The following PLCB1 variants were observed in gnomAD, a reference collection of about 807,000 sequenced individuals.
PLCB1 encodes 1-phosphatidylinositol 4,5-bisphosphate phosphodiesterase beta-1.
PLCB1 carries 46 observed loss-of-function variants against 161.8 expected under a neutral mutation model. That is an observed-to-expected ratio of 0.28 (90% confidence interval 0.22 to 0.36). PLCB1 has a LOEUF of 0.36. PLCB1 is among the 10% of genes least tolerant of loss of function. PLCB1 has a pLI of 1.00. For synonymous variants in PLCB1, 517 were observed against 503.7 expected (o/e 1.03, Z -0.35); for missense variants, 1,016 against 1,472.5 (o/e 0.69, Z 5.07).
intron 3 of PLCB1, among the ~76,000 whole-genome samples, chr20:8,425,392 T>G (rs1979716589): frequency 6.6e-6 from 1 of 152,140 alleles, no homozygotes; most frequent in African/African-American, 2.4e-5. Flanking sequence ...GTTCCCTGCC[T>G]CCAGGCCCTA....
intron 8 of PLCB1, among the ~76,000 whole-genome samples, chr20:8,657,506 T>G (rs796898377): frequency 1.8e-4 from 28 of 152,066 alleles, no homozygotes; most frequent in African/African-American, 6.5e-4. Context: ...TTGCTGGAGG[T>G]AGTTGTTTTT....
At chr20:8,155,947 C>A (rs76840544) in intron 2 of PLCB1, among the ~76,000 whole-genome samples, 1 of 152,094 alleles carries the variant, frequency 6.6e-6, no homozygotes. Flanking sequence ...GTGTGTCAGT[C>A]ATTGTTGACT....
At chr20:8,574,380 C>G (rs1160395546) in intron 3 of PLCB1, among the ~76,000 whole-genome samples, 1 of 152,148 alleles carries the variant, frequency 6.6e-6, no homozygotes, top group Non-Finnish European at 1.5e-5. Flanking sequence ...GCCTGGGTGA[C>G]AGAGCGAGAC....
intron 27 of PLCB1, among the ~76,000 whole-genome samples, chr20:8,785,339 TACATTTC>T (rs1983432319): frequency 6.6e-6 from 1 of 152,170 alleles, no homozygotes; most frequent in Non-Finnish European, 1.5e-5. Flanking sequence ...CCCGAGAACT[TACATTTC>T]TAATGTGCTC....
intron 2 of PLCB1, among the ~76,000 whole-genome samples, chr20:8,347,701 T>A (rs1275694402): frequency 6.6e-6 from 1 of 152,244 alleles, no homozygotes; most frequent in Non-Finnish European, 1.5e-5. Flanking sequence ...CTTTTAGGGC[T>A]ACTTATAATG....
chr20:8,783,392 T>C (rs1983332410), intron 27 of PLCB1, among the ~76,000 whole-genome samples: 1 of 152,200 alleles, frequency 6.6e-6, no homozygotes, highest in Non-Finnish European at 1.5e-5. Flanking sequence ...TTAGTATACC[T>C]TGCCTTTATG....
At chr20:8,815,714 G>T (rs1238789988) in intron 31 of PLCB1, among the ~76,000 whole-genome samples, 1 of 152,146 alleles carries the variant, frequency 6.6e-6, no homozygotes, top group African/African-American at 2.4e-5. Flanking sequence ...GTGAGTTACA[G>T]TACAACAAAA....
chr20:8,799,506 A>G (rs1042693987), intron 31 of PLCB1, among the ~76,000 whole-genome samples: 5 of 152,088 alleles, frequency 3.3e-5, no homozygotes, highest in East Asian at 1.9e-4. Context: ...TTAATCCTCA[A>G]TGTATCTCTG....
chr20:8,258,862 G>A (rs116441908), intron 2 of PLCB1, among the ~76,000 whole-genome samples: 2 of 152,054 alleles, frequency 1.3e-5, no homozygotes, highest in African/African-American at 2.4e-5. Context: ...ACAGTTGTGC[G>A]AGTCTTAACA....
chr20:8,308,420 C>T (rs1984233172), intron 2 of PLCB1, among the ~76,000 whole-genome samples: 1 of 151,558 alleles, frequency 6.6e-6, no homozygotes, highest in African/African-American at 2.4e-5. Context: ...AGTTCGAGAC[C>T]AGCCTGGCCA....
intron 4 of PLCB1, among the ~76,000 whole-genome samples, chr20:8,636,629 TA>T (rs1988770261): frequency 1.3e-5 from 2 of 152,222 alleles, no homozygotes; most frequent in South Asian, 4.1e-4. Context: ...CAGCAATTGC[TA>T]TTCTGGTGAC....
intron 3 of PLCB1, among the ~76,000 whole-genome samples, chr20:8,594,564 A>C (rs907584093): frequency 6.6e-5 from 10 of 151,566 alleles, no homozygotes; most frequent in African/African-American, 2.4e-4. Flanking sequence ...GTAGCCACTT[A>C]GTGCCTGGTA....
intron 2 of PLCB1, among the ~76,000 whole-genome samples, chr20:8,300,893 C>A (rs1243363775): frequency 6.6e-6 from 1 of 152,140 alleles, no homozygotes; most frequent in Non-Finnish European, 1.5e-5. Context: ...CTGCTTACAC[C>A]TGCAGGTAAA....
At chr20:8,750,725 T>C (rs1600297478) in intron 23 of PLCB1, 2 of 527,650 alleles carry the variant, frequency 3.8e-6, no homozygotes, top group East Asian at 1.3e-4. Context: ...CAAATTGTGC[T>C]CATGTTTGAA....
At chr20:8,731,001 A>AT (rs1448456968) in intron 18 of PLCB1, among the ~76,000 whole-genome samples, 1 of 151,834 alleles carries the variant, frequency 6.6e-6, no homozygotes, top group African/African-American at 2.4e-5. Context: ...ATTTAATCAT[A>AT]TCTCATTTCT....
chr20:8,495,706 T>G (rs1284093743), intron 3 of PLCB1, among the ~76,000 whole-genome samples: 1 of 152,110 alleles, frequency 6.6e-6, no homozygotes, highest in Non-Finnish European at 1.5e-5. Context: ...CGATTTACCT[T>G]CCTTACTTAA....
intron 2 of PLCB1, among the ~76,000 whole-genome samples, chr20:8,260,114 A>G (rs1334607826): frequency 6.7e-6 from 1 of 149,018 alleles, no homozygotes; most frequent in African/African-American, 2.5e-5. Context: ...TTTTTCAGAC[A>G]GTGTTGCCCA....
intron 9 of PLCB1, among the ~76,000 whole-genome samples, chr20:8,683,794 T>C (rs1254539183): frequency 6.6e-6 from 1 of 152,230 alleles, no homozygotes; most frequent in Non-Finnish European, 1.5e-5. Flanking sequence ...AAAGATCTTT[T>C]TTCATGAGCA....
intron 2 of PLCB1, among the ~76,000 whole-genome samples, chr20:8,162,189 A>C (rs2051632144): frequency 6.6e-6 from 1 of 152,132 alleles, no homozygotes; most frequent in Non-Finnish European, 1.5e-5. Flanking sequence ...TCGTTACCAA[A>C]CATGTCCTCA....
Sources: allele counts gnomAD v4.1 joint callset (sites outside exome capture counted in the v4.1 genomes callset), GRCh38; gene constraint gnomAD v4.1.1; transcripts MANE v1.5; gene names NCBI Gene and HGNC (gene_info 2026-07-23, HGNC 2026-07-21).